CCDC15: variants seen among roughly 807,000 people sequenced by gnomAD.
CCDC15 encodes coiled-coil domain containing 15.
Under a neutral mutation model 114.5 loss-of-function variants are expected in CCDC15, and 105 were observed. That is an observed-to-expected ratio of 0.92 (90% confidence interval 0.78 to 1.08). The LOEUF is 1.08. Among genes scored for constraint, CCDC15 ranks in the 50% least tolerant of loss-of-function variants. The pLI, the probability that CCDC15 is intolerant of heterozygous loss-of-function variation, is 0.00. For missense variants in CCDC15, 1,105 were observed against 1,093.6 expected (o/e 1.01, Z -0.15); for synonymous variants, 334 against 377.8 (o/e 0.88, Z 1.34).
At position 125,040,855 on chromosome 11, in the gene CCDC15, GT is replaced by G; in HGVS notation, c.*148del. 1 of 754,784 alleles carries G rather than the reference GT, an allele frequency of 1.3e-6. No homozygotes were observed. The allele number at this position is 754,784 out of a possible 1,614,324, so 46.8% of individuals were successfully genotyped here. Reference sequence around the variant, plus strand: ...ATATAATAATTAGATTGTAATCATTGTTTTAATCTCTGTCTGGGAACCAAGA... The same window carrying G: ...ATATAATAATTAGATTGTAATCATTGTTTAATCTCTGTCTGGGAACCAAGA... On this transcript the variant is annotated 3_prime_UTR_variant, in exon 16 of 16. Transcript: ENST00000344762.
chr11:124,959,813 AG>A lies in CCDC15; in HGVS notation c.328del. 6.3e-7 allele frequency: 1 copy of A among 1,581,528 alleles called. No individual in the cohort carries two copies. Among genetic ancestry groups the A allele is most frequent in the Non-Finnish European group, 8.6e-7 (1 of 1,165,704 alleles). On this transcript the variant is annotated splice_acceptor_variant, in intron 3 of 15. Transcript: ENST00000344762. LOFTEE classifies it high-confidence loss of function. ...ACTATCCCCCTTTCTTCTTTCGTGT[AG>A]GCACAAAAAGAAGGCTCCATAGCCA...
intron 11 of CCDC15, among the ~76,000 whole-genome samples, chr11:124,996,123 AC>A (rs1040683952): frequency 2.0e-5 from 3 of 151,944 alleles, no homozygotes; most frequent in Admixed American, 1.3e-4. Flanking sequence ...GAGCCACTGT[AC>A]CTGGCCATCT....
chr11:125,018,395 G>A (rs1029403971), intron 13 of CCDC15, among the ~76,000 whole-genome samples: 27 of 151,906 alleles, frequency 1.8e-4, no homozygotes, highest in African/African-American at 6.3e-4. Flanking sequence ...GTTTGTGGAA[G>A]GACACTCTAT....
chr11:124,994,838 C>T (rs1482064694), intron 11 of CCDC15, among the ~76,000 whole-genome samples: 1 of 152,294 alleles, frequency 6.6e-6, no homozygotes, highest in Admixed American at 6.5e-5. Flanking sequence ...AATTTTACCC[C>T]TCTGTGCATA....
intron 4 of CCDC15, among the ~76,000 whole-genome samples, chr11:124,967,807 A>G (rs1947809524): frequency 6.6e-6 from 1 of 152,112 alleles, no homozygotes; most frequent in Non-Finnish European, 1.5e-5. Flanking sequence ...TGACCTACAG[A>G]TGGAGTTTTG....
At chr11:124,999,262 C>T (rs984023699) in intron 11 of CCDC15, among the ~76,000 whole-genome samples, 2 of 152,050 alleles carry the variant, frequency 1.3e-5, no homozygotes, top group African/African-American at 4.8e-5. Context: ...TAGTTTATCC[C>T]ATCTCAGGTA....
At chr11:124,990,092 AG>A (rs1304800570) in intron 8 of CCDC15, among the ~76,000 whole-genome samples, 1 of 152,188 alleles carries the variant, frequency 6.6e-6, no homozygotes, top group Non-Finnish European at 1.5e-5. Context: ...GTTGCTTTAA[AG>A]TGGGAGACAT....
intron 13 of CCDC15, among the ~76,000 whole-genome samples, chr11:125,012,501 A>G (rs1948599891): frequency 6.6e-6 from 1 of 152,230 alleles, no homozygotes; most frequent in South Asian, 2.1e-4. Context: ...AACATATTCA[A>G]ATAAGTAATA....
At chr11:124,956,670 C>A (rs1395435656) in intron 2 of CCDC15, among the ~76,000 whole-genome samples, 1 of 152,176 alleles carries the variant, frequency 6.6e-6, no homozygotes, top group Non-Finnish European at 1.5e-5. Context: ...CACATTAACT[C>A]AAAATATTAA....
intron 8 of CCDC15, among the ~76,000 whole-genome samples, chr11:124,988,808 C>G (rs1256117361): frequency 1.3e-5 from 2 of 152,192 alleles, no homozygotes; most frequent in Non-Finnish European, 2.9e-5. Context: ...AACTCCTTAT[C>G]CATTTAAGTT....
chr11:124,999,854 CTTTT>C (rs768089942), intron 11 of CCDC15, among the ~76,000 whole-genome samples: 4 of 70,098 alleles, frequency 5.7e-5, no homozygotes, highest in East Asian at 7.7e-4. Flanking sequence ...GTATCCTAGA[CTTTT>C]TTTTTTTTTT....
chr11:125,016,338 A>G (rs1005219985), intron 13 of CCDC15, among the ~76,000 whole-genome samples: 1 of 152,146 alleles, frequency 6.6e-6, no homozygotes, highest in Admixed American at 6.6e-5. Context: ...CTGTTGTTCT[A>G]AAAGCAACCT....
At chr11:125,012,611 G>A (rs548140489) in intron 13 of CCDC15, among the ~76,000 whole-genome samples, 1 of 152,188 alleles carries the variant, frequency 6.6e-6, no homozygotes, top group Non-Finnish European at 1.5e-5. Context: ...TTACACTTTA[G>A]TTGGGTTTGG....
intron 13 of CCDC15, among the ~76,000 whole-genome samples, chr11:125,025,782 A>T (rs532013073): frequency 2.6e-5 from 4 of 152,000 alleles, no homozygotes; most frequent in South Asian, 2.1e-4. Flanking sequence ...TATATTTTTG[A>T]TATATGTAGA....
Position 125,005,192 on chromosome 11 carries a change from A to G in CCDC15, c.2391A>G (p.Glu797=). 6.5e-7 allele frequency: 1 copy of G among 1,528,390 alleles called. No individual in the cohort carries two copies. Among genetic ancestry groups the G allele is most frequent in the African/African-American group, 1.4e-5 (1 of 72,676 alleles). 94.7% of individuals were successfully genotyped at this position (1,528,390 alleles called of 1,614,324 possible). A position where few individuals can be genotyped will look rare whatever the true frequency, so the allele number is the denominator to read the frequency against. The part of the protein sequence containing the change: ...EQVKEQQRQK[E]QKKKIEKIKK... ...TTAAAGAACAACAAAGGCAAAAAGA[A>G]CAAAAGAAGAAAATTGAAAAGTAAG... The change falls in exon 13 of 16, where the codon GAA becomes GAG. Residue 797 remains glutamate, a synonymous_variant. Coordinates refer to ENST00000344762, the MANE Select transcript of CCDC15 (RefSeq NM_025004.3).
rs377372741 is a variant in CCDC15 at position 124,987,845 on chromosome 11, T to C, written c.1619T>C (p.Leu540Ser). The C allele has an allele frequency of 6.2e-7, 1 of 1,606,216 alleles. No homozygotes were observed. Among genetic ancestry groups the C allele is most frequent in the East Asian group, 2.2e-5 (1 of 44,718 alleles). The change falls in exon 8 of 16, where the codon TTA becomes TCA. Residue 540 changes from leucine (L) to serine (S), a missense_variant. Coordinates refer to ENST00000344762, the MANE Select transcript of CCDC15 (RefSeq NM_025004.3). ...QDFLPKDQDF[L>S]SRDQHVLPKD... ...TTTCTACCTAAAGACCAGGACTTTT[T>C]ATCTAGAGACCAGCATGTTCTCCCC...
At chr11:125,003,551 C>G (rs947893603) in intron 11 of CCDC15, among the ~76,000 whole-genome samples, 1 of 151,884 alleles carries the variant, frequency 6.6e-6, no homozygotes, top group African/African-American at 2.4e-5. Context: ...GATTCTATTC[C>G]AAGCGCACTC....
rs1029460437 is a variant in CCDC15, at chr11:124,987,744, C to T, written c.1518C>T (p.Asp506=). 1.9e-6 allele frequency: 3 copies of T among 1,613,814 alleles called. No homozygotes were observed. In the African/African-American group the frequency reaches 4.0e-5, roughly 22 times the overall value. ...KYQDQNFLPK[D]QNFLSRDQHV... is the part of the protein sequence containing the mutation. ...AGGACCAGAATTTTCTACCTAAGGA[C>T]CAGAATTTTTTGTCTAGAGACCAGC... The change falls in exon 8 of 16, where the codon GAC becomes GAT. Residue 506 remains aspartate (D), a synonymous_variant. Transcript: ENST00000344762.
At chr11:124,985,008 C>T (rs986680574) in intron 6 of CCDC15, among the ~76,000 whole-genome samples, 37 of 152,182 alleles carry the variant, frequency 2.4e-4, no homozygotes, top group African/African-American at 6.8e-4. Context: ...CTCATTCTCT[C>T]CTTGCCCTTA....
Sources: gnomAD v4.1 joint callset for allele counts (sites outside exome capture counted in the v4.1 genomes callset) on GRCh38, gnomAD v4.1.1 for gene constraint, MANE v1.5 for transcripts, NCBI Gene and HGNC (gene_info 2026-07-23, HGNC 2026-07-21) for gene names.